GPHN: variants seen among roughly 807,000 people sequenced by gnomAD.
GPHN encodes the protein gephyrin.
In GPHN, 17 loss-of-function variants were observed where a neutral mutation model predicts 95.5. The observed-to-expected ratio is 0.18, with a 90% CI of 0.12 to 0.27. GPHN has a LOEUF of 0.27. GPHN is among the 10% of genes least tolerant of loss of function. The pLI is 1.00. For synonymous variants in GPHN, 320 were observed against 322.5 expected, an observed-to-expected ratio of 0.99 and a Z score of 0.08; for missense variants, 660 against 978.1, an observed-to-expected ratio of 0.67 and a Z score of 4.34.
the GPHN span, among the ~76,000 whole-genome samples, chr14:67,556,418 G>A: frequency 1.3e-5 from 2 of 152,166 alleles, no homozygotes; most frequent in Non-Finnish European, 2.9e-5. Context: ...TTACAGGCGT[G>A]AGCCACTGTG....
chr14:67,706,598 G>C, the GPHN span, among the ~76,000 whole-genome samples: 1 of 152,160 alleles, frequency 6.6e-6, no homozygotes, highest in Admixed American at 6.6e-5. Context: ...TTGAGTTTCT[G>C]TTTAGCCTTT....
the GPHN span, among the ~76,000 whole-genome samples, chr14:67,694,002 A>C: frequency 6.6e-6 from 1 of 152,122 alleles, no homozygotes; most frequent in Non-Finnish European, 1.5e-5. Flanking sequence ...CAAATGAATG[A>C]ATGCACAAAC....
At chr14:67,562,067 A>G in the GPHN span, 1 of 1,609,920 alleles carries the variant, frequency 6.2e-7, no homozygotes, top group Non-Finnish European at 8.5e-7. Context: ...GGTGTGCAGT[A>G]CGTGTGTTTG....
chr14:67,340,443 T>C, the GPHN span: 1 of 1,613,448 alleles, frequency 6.2e-7, no homozygotes, highest in South Asian at 1.1e-5. Context: ...AACAAACCTA[T>C]AGAACTCTTC....
the GPHN span, among the ~76,000 whole-genome samples, chr14:67,367,734 G>GC: frequency 1.3e-5 from 2 of 152,018 alleles, no homozygotes; most frequent in Admixed American, 1.3e-4. Flanking sequence ...TTCTCGGGCG[G>GC]CTGAGGTAGG....
At chr14:67,372,236 G>A in the GPHN span, among the ~76,000 whole-genome samples, 2 of 152,162 alleles carry the variant, frequency 1.3e-5, no homozygotes, top group African/African-American at 2.4e-5. Context: ...ATGGTGCTGG[G>A]ACAACTGGAT....
intron 10 of GPHN, 107 bp downstream of exon 10, chr14:67,023,782 A>T: frequency 1.2e-6 from 1 of 864,006 alleles, no homozygotes; most frequent in South Asian, 1.4e-5. Flanking sequence ...TATTTATGTG[A>T]CAAATATGAA....
At chr14:66,618,685 C>T (rs529215320) in intron 1 of GPHN, among the ~76,000 whole-genome samples, 1 of 152,280 alleles carries the variant, frequency 6.6e-6, no homozygotes, top group Non-Finnish European at 1.5e-5. Flanking sequence ...AAATAGTTGA[C>T]AGAGTTTACC....
the GPHN span, chr14:67,590,021 C>G: frequency 1.3e-6 from 2 of 1,506,308 alleles, no homozygotes; most frequent in Admixed American, 4.6e-5. Flanking sequence ...AAAACCAGCC[C>G]CTATGGCTTA....
chr14:67,501,483 G>A, the GPHN span, among the ~76,000 whole-genome samples: 1 of 152,136 alleles, frequency 6.6e-6, no homozygotes, highest in African/African-American at 2.4e-5. Context: ...TCCCACATCA[G>A]CCTCCCAAAG....
chr14:67,397,193 C>T, the GPHN span, among the ~76,000 whole-genome samples: 1 of 152,336 alleles, frequency 6.6e-6, no homozygotes, highest in African/African-American at 2.4e-5. Context: ...CCCATCTCGG[C>T]CTCCCAAAGT....
At chr14:67,619,264 C>G in the GPHN span, among the ~76,000 whole-genome samples, 1 of 152,170 alleles carries the variant, frequency 6.6e-6, no homozygotes, top group Non-Finnish European at 1.5e-5. Context: ...TTTTTAATAA[C>G]CAGCGCTCCC....
chr14:67,485,077 A>G, the GPHN span, among the ~76,000 whole-genome samples: 1 of 152,246 alleles, frequency 6.6e-6, no homozygotes, highest in African/African-American at 2.4e-5. Flanking sequence ...CCTGTAATGG[A>G]AGAATTCAGC....
At chr14:67,452,920 C>CT in the GPHN span, among the ~76,000 whole-genome samples, 2 of 152,192 alleles carry the variant, frequency 1.3e-5, no homozygotes, top group Non-Finnish European at 2.9e-5. Flanking sequence ...GAAACCTGAG[C>CT]TTTTTCTCCC....
chr14:66,676,558 C>T (rs1407418204), intron 1 of GPHN, among the ~76,000 whole-genome samples: 3 of 151,878 alleles, frequency 2.0e-5, no homozygotes, highest in African/African-American at 7.3e-5. Context: ...TTGAGATGAT[C>T]ATATGATTTG....
chr14:67,505,926 C>T, the GPHN span, among the ~76,000 whole-genome samples: 2 of 152,132 alleles, frequency 1.3e-5, no homozygotes, highest in Non-Finnish European at 2.9e-5. Context: ...GTCTCGAACT[C>T]CTGACCTTGG....
At chr14:67,657,615 C>T in the GPHN span, among the ~76,000 whole-genome samples, 12 of 151,206 alleles carry the variant, frequency 7.9e-5, no homozygotes, top group African/African-American at 2.9e-4. Context: ...CACACACACA[C>T]ACACACACCC....
At chr14:66,994,701 T>C (rs755082192) in intron 9 of GPHN, among the ~76,000 whole-genome samples, 2 of 152,188 alleles carry the variant, frequency 1.3e-5, no homozygotes, top group Admixed American at 6.5e-5. Flanking sequence ...AGAACAAACA[T>C]ACACAGCAAG....
the GPHN span, among the ~76,000 whole-genome samples, chr14:67,642,958 A>C: frequency 6.6e-6 from 1 of 151,984 alleles, no homozygotes; most frequent in Non-Finnish European, 1.5e-5. Flanking sequence ...GCATGCCACC[A>C]TGCCTGGCTC....
Sources: allele counts gnomAD v4.1 joint callset (sites outside exome capture counted in the v4.1 genomes callset), GRCh38; gene constraint gnomAD v4.1.1; transcripts MANE v1.5; gene names NCBI Gene and HGNC (gene_info 2026-07-23, HGNC 2026-07-21).